RBFOX1: variants seen among roughly 807,000 people sequenced by gnomAD.
The protein encoded by RBFOX1 is RNA binding protein fox-1 homolog 1.
A neutral mutation model predicts 57.7 loss-of-function variants in RBFOX1; 8 were observed. The observed-to-expected ratio is 0.14, with a 90% CI of 0.08 to 0.25. RBFOX1 has a LOEUF of 0.25. Among genes scored for constraint, RBFOX1 ranks in the 10% least tolerant of loss-of-function variants. RBFOX1 has a pLI of 1.00. For missense variants in RBFOX1, 611 were observed against 548.5 expected (o/e 1.11, Z -1.14); for synonymous variants, 326 against 222.4 (o/e 1.47, Z -4.15).
intron 3 of RBFOX1, among the ~76,000 whole-genome samples, chr16:7,038,393 T>C: frequency 6.6e-6 from 1 of 152,194 alleles, no homozygotes; most frequent in East Asian, 1.9e-4. Flanking sequence ...ATCATCTTTG[T>C]AATAACTGCA....
intron 4 of RBFOX1, among the ~76,000 whole-genome samples, chr16:7,420,608 T>G (rs2098531289): frequency 6.6e-6 from 1 of 152,004 alleles, no homozygotes; most frequent in South Asian, 2.1e-4. Context: ...CCCTTTCTGA[T>G]GATTTTTTTT....
chr16:6,055,123 T>C (rs919899886), intron 1 of RBFOX1, among the ~76,000 whole-genome samples: 2 of 152,172 alleles, frequency 1.3e-5, no homozygotes, highest in African/African-American at 4.8e-5. Context: ...TTTTTTGGGA[T>C]GCAAAACTTA....
chr16:6,565,007 G>A (rs2097239540), intron 2 of RBFOX1, among the ~76,000 whole-genome samples: 1 of 151,500 alleles, frequency 6.6e-6, no homozygotes, highest in Non-Finnish European at 1.5e-5. Context: ...TGGATGTGCT[G>A]GCATGCACTT....
rs1477132161 is a variant in RBFOX1 at position 6,932,226 on chromosome 16, C to A, written c.-15-119831C>A. On this transcript the variant is annotated intron_variant, in intron 3 of 15. Transcript: ENST00000550418. Reference sequence around the variant, plus strand: ...TTGAGTGATTTCCCTGCCTCGGCCTCCCAAGTAGCTGGGATTACAGGCATG... The same window carrying A: ...TTGAGTGATTTCCCTGCCTCGGCCTACCAAGTAGCTGGGATTACAGGCATG... Among the ~76,000 whole-genome samples the A allele has an allele frequency of 2.0e-5, 3 of 152,158 alleles. No individual in the cohort carries two copies. In the East Asian group the frequency reaches 5.8e-4, roughly 29 times the overall value.
chr16:5,909,372 G>A lies in RBFOX1; in HGVS notation c.351+42037G>A, dbSNP rs557997091. On this transcript the variant is annotated intron_variant, in intron 4 of 19. Coordinates refer to the RBFOX1 transcript ENST00000641259. The stretch of plus-strand genomic sequence containing the variant: ...CTCCCAAAGTGCTGGGATTACAGGC[G>A]TGAGCCACTGTGCCCGGCCCAAGCC... Among the ~76,000 whole-genome samples the A allele has an allele frequency of 6.6e-4, 100 of 152,176 alleles. 1 individual carries two copies. The highest frequency in any genetic ancestry group is 2.9e-3 in the South Asian group (14 of 4,820).
rs57685233 is a variant in RBFOX1, at chr16:6,507,507, CA to C, written c.-63-147078del. ...GCAACATAACAAGACCCTATCTGTA[CA>C]AAAAAAAAAAAAAAAAAGCCTGGCA... On this transcript the variant is annotated intron_variant, in intron 2 of 15. Transcript: ENST00000550418. Among the ~76,000 whole-genome samples, 173 of 97,168 alleles carry C rather than the reference CA, an allele frequency of 1.8e-3. 2 individuals carry two copies. Among genetic ancestry groups the C allele is most frequent in the East Asian group, 0.011 (34 of 2,988 alleles). The allele number at this position is 97,168 out of a possible 152,430, so 63.7% of individuals were successfully genotyped here.
At chr16:6,683,940 T>C (rs1214403740) in intron 3 of RBFOX1, among the ~76,000 whole-genome samples, 1 of 152,188 alleles carries the variant, frequency 6.6e-6, no homozygotes, top group Non-Finnish European at 1.5e-5. Context: ...TGTCACGCAG[T>C]GGGTGCCTGC....
intron 2 of RBFOX1, among the ~76,000 whole-genome samples, chr16:6,491,765 T>A (rs2153136554): frequency 6.6e-6 from 1 of 152,302 alleles, no homozygotes; most frequent in East Asian, 1.9e-4. Context: ...AGCTAGTGAC[T>A]AAAAGGGCTG....
At chr16:5,811,308 A>G (rs2055422809) in intron 3 of RBFOX1, among the ~76,000 whole-genome samples, 1 of 151,434 alleles carries the variant, frequency 6.6e-6, no homozygotes. Flanking sequence ...TAATTTTTAT[A>G]CTTTTAGTAG....
At chr16:6,415,366 G>C (rs999660898) in intron 2 of RBFOX1, among the ~76,000 whole-genome samples, 4 of 151,880 alleles carry the variant, frequency 2.6e-5, no homozygotes, top group African/African-American at 9.7e-5. Context: ...ATAAGCCCAA[G>C]CTCATACAGC....
chr16:7,190,419 C>A (rs761436664), intron 4 of RBFOX1, among the ~76,000 whole-genome samples: 1 of 152,136 alleles, frequency 6.6e-6, no homozygotes, highest in African/African-American at 2.4e-5. Context: ...TTTTTGTTGT[C>A]AGCCTTTACA....
At chr16:6,277,490 A>G (rs990950192) in intron 1 of RBFOX1, among the ~76,000 whole-genome samples, 2 of 144,704 alleles carry the variant, frequency 1.4e-5, no homozygotes, top group Admixed American at 6.9e-5. Flanking sequence ...CTCAATTTTT[A>G]TCAGGACACA....
chr16:5,965,126 A>T (rs900730012), intron 4 of RBFOX1, among the ~76,000 whole-genome samples: 1 of 152,138 alleles, frequency 6.6e-6, no homozygotes, highest in African/African-American at 2.4e-5. Context: ...GGTTACTCAG[A>T]GCTGGACGGT....
chr16:6,515,698 C>A (rs1385887127), intron 2 of RBFOX1, among the ~76,000 whole-genome samples: 1 of 152,116 alleles, frequency 6.6e-6, no homozygotes, highest in Non-Finnish European at 1.5e-5. Context: ...TCTCAAAACC[C>A]TCCCCTGCTT....
intron 1 of RBFOX1, among the ~76,000 whole-genome samples, chr16:6,137,853 T>A (rs1378756301): frequency 1.3e-5 from 2 of 152,102 alleles, no homozygotes; most frequent in Non-Finnish European, 2.9e-5. Context: ...CCAGTAATCC[T>A]CCTGCCTCAA....
At chr16:6,874,304 GT>G (rs1567664653) in intron 3 of RBFOX1, among the ~76,000 whole-genome samples, 2 of 151,906 alleles carry the variant, frequency 1.3e-5, no homozygotes, top group Admixed American at 6.6e-5. Context: ...GAGGTCAGGA[GT>G]TTTGAGACCA....
At position 7,208,871 on chromosome 16, in the gene RBFOX1, C is replaced by A. The variant is rs147276270; in HGVS notation, c.27+156773C>A. On this transcript the variant is annotated intron_variant, in intron 4 of 15. Transcript: ENST00000550418. ...ACAGATAAACAGACAAAAAGCCCAC[C>A]AGTTCTCCTAAGGACTAAGAGAGCA... Among the ~76,000 whole-genome samples, 294 of 152,126 alleles carry A rather than the reference C, an allele frequency of 1.9e-3. 3 individuals are homozygous for A. Among genetic ancestry groups the A allele is most frequent in the East Asian group, 0.012 (63 of 5,166 alleles).
chr16:7,456,856 A>G (rs541313596), intron 4 of RBFOX1, among the ~76,000 whole-genome samples: 8 of 151,928 alleles, frequency 5.3e-5, no homozygotes, highest in South Asian at 4.2e-4. Context: ...AGGAAAGGGC[A>G]TATTTTGGGT....
At chr16:6,456,659 C>T (rs2094780967) in intron 2 of RBFOX1, among the ~76,000 whole-genome samples, 1 of 152,142 alleles carries the variant, frequency 6.6e-6, no homozygotes. Flanking sequence ...AGGAGAGGAA[C>T]ATCAGTTAGA....
Sources: gnomAD v4.1 joint callset for allele counts (sites outside exome capture counted in the v4.1 genomes callset) on GRCh38, gnomAD v4.1.1 for gene constraint, MANE v1.5 for transcripts, NCBI Gene and HGNC (gene_info 2026-07-23, HGNC 2026-07-21) for gene names.